Variants in GMDS observed in about 807,000 individuals in gnomAD.
The protein encoded by GMDS is GDP-mannose 4,6 dehydratase.
GMDS carries 20 observed loss-of-function variants against 49.9 expected under a neutral mutation model. The observed-to-expected ratio is 0.40, with a 90% CI of 0.28 to 0.58. GMDS has a LOEUF of 0.58. GMDS is among the 20% of genes least tolerant of loss of function. The pLI, the probability that GMDS is intolerant of heterozygous loss-of-function variation, is 0.42. For synonymous variants in GMDS, 177 were observed against 178.6 expected (o/e 0.99, Z 0.07); for missense variants, 362 against 481.4 (o/e 0.75, Z 2.32).
chr6:2,043,662 A>G (rs771477636), intron 4 of GMDS, among the ~76,000 whole-genome samples: 3 of 152,232 alleles, frequency 2.0e-5, no homozygotes, highest in Non-Finnish European at 2.9e-5. Flanking sequence ...TACTCACACT[A>G]TATTTCTGTG....
chr6:1,666,563 A>T (rs1026192046), intron 9 of GMDS, among the ~76,000 whole-genome samples: 1 of 152,200 alleles, frequency 6.6e-6, no homozygotes, highest in Non-Finnish European at 1.5e-5. Flanking sequence ...AGAAGACTAT[A>T]AAAGACCTTA....
chr6:1,783,540 T>C (rs1190770388), intron 7 of GMDS, among the ~76,000 whole-genome samples: 1 of 152,244 alleles, frequency 6.6e-6, no homozygotes, highest in African/African-American at 2.4e-5. Flanking sequence ...AGCACGATTC[T>C]CTTATTGTTT....
intron 7 of GMDS, among the ~76,000 whole-genome samples, chr6:1,874,227 A>G (rs1758915961): frequency 6.6e-6 from 1 of 152,246 alleles, no homozygotes; most frequent in Non-Finnish European, 1.5e-5. Flanking sequence ...GAAAAGTTTA[A>G]TGAAAGAAAT....
intron 9 of GMDS, among the ~76,000 whole-genome samples, chr6:1,648,967 G>A (rs1763567457): frequency 1.3e-5 from 2 of 152,208 alleles, no homozygotes; most frequent in South Asian, 2.1e-4. Flanking sequence ...CAGAATCAGA[G>A]AGAGAACATG....
chr6:1,666,861 T>C (rs898579315), intron 9 of GMDS, among the ~76,000 whole-genome samples: 2 of 152,344 alleles, frequency 1.3e-5, no homozygotes, highest in Admixed American at 6.5e-5. Flanking sequence ...GAACTCAGCT[T>C]GGCACTGGCT....
intron 7 of GMDS, among the ~76,000 whole-genome samples, chr6:1,775,421 A>C (rs1768757713): frequency 6.6e-6 from 1 of 152,206 alleles, no homozygotes; most frequent in Non-Finnish European, 1.5e-5. Flanking sequence ...AACTCTATTA[A>C]TATGTTGATT....
chr6:2,176,370 G>C (rs995705433), intron 1 of GMDS, among the ~76,000 whole-genome samples: 1 of 152,088 alleles, frequency 6.6e-6, no homozygotes, highest in Non-Finnish European at 1.5e-5. Context: ...TCAGAAATTT[G>C]GTTCTTCCCA....
At chr6:2,242,937 T>C (rs1222443315) in intron 1 of GMDS, among the ~76,000 whole-genome samples, 1 of 152,186 alleles carries the variant, frequency 6.6e-6, no homozygotes, top group Non-Finnish European at 1.5e-5. Context: ...CCAGAGATCC[T>C]TGATACTCAA....
At chr6:1,696,809 G>A (rs575015653) in intron 9 of GMDS, among the ~76,000 whole-genome samples, 11 of 152,352 alleles carry the variant, frequency 7.2e-5, no homozygotes, top group Non-Finnish European at 1.0e-4. Context: ...AGGAAGGGAC[G>A]TGAGTGGCTG....
chr6:2,210,749 C>A (rs1277420716), intron 1 of GMDS, among the ~76,000 whole-genome samples: 3 of 152,212 alleles, frequency 2.0e-5, no homozygotes, highest in Non-Finnish European at 1.5e-5. Flanking sequence ...CCACCCTCTG[C>A]CCTATCACAC....
chr6:2,072,613 A>G (rs1007093652), intron 4 of GMDS, among the ~76,000 whole-genome samples: 1 of 152,198 alleles, frequency 6.6e-6, no homozygotes, highest in Non-Finnish European at 1.5e-5. Context: ...TCCAAAACCA[A>G]TCTTCTTACA....
chr6:2,164,215 C>T (rs903993793), intron 1 of GMDS, among the ~76,000 whole-genome samples: 5 of 152,202 alleles, frequency 3.3e-5, no homozygotes, highest in African/African-American at 4.8e-5. Context: ...TACAACTTCA[C>T]GTTTCTTCCA....
At chr6:1,698,145 C>T (rs1317936376) in intron 9 of GMDS, among the ~76,000 whole-genome samples, 6 of 152,330 alleles carry the variant, frequency 3.9e-5, no homozygotes, top group South Asian at 2.1e-4. Flanking sequence ...GCTCTGGGGC[C>T]GGACTCCAGT....
At chr6:1,804,720 T>C (rs543976622) in intron 7 of GMDS, among the ~76,000 whole-genome samples, 1 of 152,334 alleles carries the variant, frequency 6.6e-6, no homozygotes, top group Admixed American at 6.5e-5. Flanking sequence ...TCCTTATCAA[T>C]AGGTTTTTTT....
intron 4 of GMDS, among the ~76,000 whole-genome samples, chr6:2,045,338 T>C (rs1187523785): frequency 6.6e-6 from 1 of 152,028 alleles, no homozygotes. Flanking sequence ...TTATATTGTT[T>C]ATATATTACT....
chr6:1,916,026 C>T (rs778404608), intron 7 of GMDS, among the ~76,000 whole-genome samples: 57 of 152,332 alleles, frequency 3.7e-4, no homozygotes, highest in African/African-American at 9.1e-4. Flanking sequence ...CCACTGCTCA[C>T]GCAGGCTTCG....
intron 4 of GMDS, among the ~76,000 whole-genome samples, chr6:2,033,638 A>G (rs2127419338): frequency 6.6e-6 from 1 of 152,376 alleles, no homozygotes; most frequent in East Asian, 1.9e-4. Context: ...TTAGTTACTT[A>G]AGGATTAAAC....
chr6:1,624,414 T>A (rs1762780661), intron 10 of GMDS, 58 bp downstream of exon 10: 1 of 1,493,076 alleles, frequency 6.7e-7, no homozygotes, highest in African/African-American at 1.4e-5. Flanking sequence ...CCCTGAGAGC[T>A]GCCGCCCTGC....
At chr6:2,051,898 C>T (rs1770418947) in intron 4 of GMDS, among the ~76,000 whole-genome samples, 1 of 151,964 alleles carries the variant, frequency 6.6e-6, no homozygotes, top group African/African-American at 2.4e-5. Context: ...GCGGGCAGAT[C>T]ACGAGGTCAG....
Sources: allele counts gnomAD v4.1 joint callset (sites outside exome capture counted in the v4.1 genomes callset), GRCh38; gene constraint gnomAD v4.1.1; transcripts MANE v1.5; gene names NCBI Gene and HGNC (gene_info 2026-07-23, HGNC 2026-07-21).